LHPP: variants seen among roughly 807,000 people sequenced by gnomAD.
LHPP encodes phospholysine phosphohistidine inorganic pyrophosphate phosphatase, also known as hLHPP.
In LHPP, 24 loss-of-function variants were observed where a neutral mutation model predicts 30.3. That is an observed-to-expected ratio of 0.79 (90% CI 0.57 to 1.11). The LOEUF (loss-of-function observed/expected upper bound fraction) is 1.11, where lower values mean the gene tolerates loss of function less well. Ranked by LOEUF, LHPP falls within the 50% of genes most tolerant of loss-of-function variation. The pLI is 0.00. For synonymous variants in LHPP, 150 were observed against 157.1 expected (o/e 0.95, Z 0.34); for missense variants, 356 against 367.2 (o/e 0.97, Z 0.25).
At chr10:124,543,349 G>T (rs1219654576) in intron 6 of LHPP, among the ~76,000 whole-genome samples, 4 of 152,254 alleles carry the variant, frequency 2.6e-5, no homozygotes, top group Non-Finnish European at 5.9e-5. Flanking sequence ...CCCAGGTGCG[G>T]GGTCTGCCCG....
intron 1 of LHPP, among the ~76,000 whole-genome samples, chr10:124,483,805 C>CG (rs1056559287): frequency 7.5e-6 from 1 of 132,584 alleles, no homozygotes; most frequent in Non-Finnish European, 1.6e-5. Context: ...GGTAGAGAGG[C>CG]GGGGGGACAG....
Position 124,496,808 on chromosome 10 carries a change from C to T in LHPP, c.468-153C>T, listed in dbSNP as rs931564527. ...CCGGCTCTGTGGTGCTGGTCCCCTG[C>T]GGTCATTCTCAGCGTAGCGCCTGGA... On this transcript the variant is annotated intron_variant, in intron 3 of 6. Transcript: ENST00000368842. This position sits in a 1 kb window ranked among gnomAD's most constrained non-coding sequence, Gnocchi z 4.3. 1.5e-4 allele frequency among the ~76,000 whole-genome samples: 23 copies of T among 152,220 alleles called. No individual in the cohort carries two copies. The highest frequency in any genetic ancestry group is 3.4e-4 in the African/African-American group (14 of 41,466).
chr10:124,601,096 G>A (rs1263693834), intron 6 of LHPP, among the ~76,000 whole-genome samples: 1 of 152,202 alleles, frequency 6.6e-6, no homozygotes, highest in Non-Finnish European at 1.5e-5. Context: ...AGGGAATGAG[G>A]CCCAGGGAGC....
intron 1 of LHPP, among the ~76,000 whole-genome samples, chr10:124,471,081 C>T (rs1464551781): frequency 1.3e-5 from 2 of 152,046 alleles, no homozygotes; most frequent in Non-Finnish European, 2.9e-5. Context: ...AAGTCCAAGT[C>T]CTCCATCCTC....
At chr10:124,493,016 C>T (rs547097209) in intron 3 of LHPP, among the ~76,000 whole-genome samples, 11 of 151,536 alleles carry the variant, frequency 7.3e-5, no homozygotes, top group East Asian at 5.8e-4. Flanking sequence ...AGTAAGATTC[C>T]GTCTCTACAA....
chr10:124,471,730 TA>T (rs1221006856), intron 1 of LHPP, among the ~76,000 whole-genome samples: 7 of 123,146 alleles, frequency 5.7e-5, no homozygotes, highest in South Asian at 5.1e-4. Context: ...TTTATGTATA[TA>T]TATATTTGTA....
At chr10:124,520,936 C>A (rs1954595144) in intron 6 of LHPP, among the ~76,000 whole-genome samples, 1 of 152,182 alleles carries the variant, frequency 6.6e-6, no homozygotes, top group African/African-American at 2.4e-5. Context: ...TGTTGAAATG[C>A]TGATATTTCG....
chr10:124,569,125 G>A (rs1332342662), intron 6 of LHPP, among the ~76,000 whole-genome samples: 1 of 152,222 alleles, frequency 6.6e-6, no homozygotes, highest in African/African-American at 2.4e-5. Flanking sequence ...CTGCCTGGGT[G>A]GGGCTCATTC....
chr10:124,529,813 G>GCACACACACA (rs3083540), intron 6 of LHPP, among the ~76,000 whole-genome samples: 10 of 147,188 alleles, frequency 6.8e-5, no homozygotes, highest in East Asian at 6.2e-4. Context: ...ACACACACAC[G>GCACACACACA]CACACACACA....
intron 6 of LHPP, among the ~76,000 whole-genome samples, chr10:124,594,595 A>C (rs1948920202): frequency 6.6e-6 from 1 of 151,112 alleles, no homozygotes; most frequent in Admixed American, 6.6e-5. Context: ...TATCTCTGCA[A>C]TTCCTATAGC....
intron 6 of LHPP, among the ~76,000 whole-genome samples, chr10:124,543,173 G>A (rs759979808): frequency 2.2e-4 from 33 of 152,192 alleles, no homozygotes; most frequent in Non-Finnish European, 4.6e-4. Flanking sequence ...GTTCCAGCTC[G>A]GGCAGTACAA....
chr10:124,504,373 T>C (rs1953999144), intron 5 of LHPP, among the ~76,000 whole-genome samples: 1 of 146,830 alleles, frequency 6.8e-6, no homozygotes, highest in African/African-American at 2.6e-5. Flanking sequence ...GGGCAGGTCA[T>C]TAGAGCCCAA....
intron 6 of LHPP, among the ~76,000 whole-genome samples, chr10:124,565,346 G>C (rs1412377824): frequency 1.3e-5 from 2 of 152,158 alleles, no homozygotes; most frequent in Non-Finnish European, 2.9e-5. Context: ...ATCCCTTACT[G>C]AGGGTCGAGA....
At chr10:124,605,474 AC>A (rs1949079490) in intron 6 of LHPP, 1 of 152,202 alleles carries the variant, frequency 6.6e-6, no homozygotes, top group South Asian at 2.1e-4. Context: ...AGAGAGAGCA[AC>A]TCGCCCTGTG....
chr10:124,517,346 A>G lies in LHPP; in HGVS notation c.716+75A>G. 3 of 947,236 alleles carry G rather than the reference A, an allele frequency of 3.2e-6. No homozygotes were observed. The highest frequency in any genetic ancestry group is 4.6e-6 in the Non-Finnish European group (3 of 648,416). The allele number at this position is 947,236 out of a possible 1,614,324, so 58.7% of individuals were successfully genotyped here. A position where few individuals can be genotyped will look rare whatever the true frequency, so the allele number is the denominator to read the frequency against. ...ACATTCTCATTCTGTTTTGTTCTTCAAAATAAAGGGGATATTCTTTCCAAA... is the reference window on the plus strand; with the variant it reads ...ACATTCTCATTCTGTTTTGTTCTTCGAAATAAAGGGGATATTCTTTCCAAA... On this transcript the variant is annotated intron_variant, in intron 6 of 6. Transcript: ENST00000368842. This position sits in a 1 kb window ranked among gnomAD's most constrained non-coding sequence, Gnocchi z 4.1.
intron 1 of LHPP, among the ~76,000 whole-genome samples, chr10:124,477,141 T>C (rs1952974889): frequency 6.6e-6 from 1 of 152,176 alleles, no homozygotes. Context: ...AGGCAGAGGT[T>C]GTGGTAAGTT....
chr10:124,593,768 GT>G lies in LHPP; in HGVS notation c.717-19492del. ...AGGTCATGCGCGTTTGACGCAGGAGGTTTTGCCGGCGCCAGGGGCTCCCTCG... is the reference window on the plus strand; with the variant it reads ...AGGTCATGCGCGTTTGACGCAGGAGGTTTGCCGGCGCCAGGGGCTCCCTCG... On this transcript the variant is annotated intron_variant, in intron 6 of 6. Transcript: ENST00000368842. This position sits in a 1 kb window ranked among gnomAD's most constrained non-coding sequence, Gnocchi z 4.9. Among the ~76,000 whole-genome samples, 1 of 152,254 alleles carries G rather than the reference GT, an allele frequency of 6.6e-6. No homozygotes were observed. The highest frequency in any genetic ancestry group is 1.5e-5 in the Non-Finnish European group (1 of 68,038).
At chr10:124,516,799 C>T (rs941469291) in intron 5 of LHPP, among the ~76,000 whole-genome samples, 23 of 152,154 alleles carry the variant, frequency 1.5e-4, no homozygotes, top group Non-Finnish European at 3.1e-4. Flanking sequence ...ATTTGCTTCA[C>T]TTTCATGGAA....
rs576427156 is a variant in LHPP at position 124,524,654 on chromosome 10, C to T, written c.716+7383C>T. Among the ~76,000 whole-genome samples the T allele has an allele frequency of 6.6e-5, 10 of 152,090 alleles. No homozygotes were observed. The South Asian group carries it at 1.0e-3, about 16-fold the overall frequency. On this transcript the variant is annotated intron_variant, in intron 6 of 6. Coordinates refer to ENST00000368842, the MANE Select transcript of LHPP (RefSeq NM_022126.4). ...TTTGAGACCAGCCTGGGCAACATAG[C>T]GAGACCTCATTTCTATTAAAAATCA...
Sources: allele counts gnomAD v4.1 joint callset (sites outside exome capture counted in the v4.1 genomes callset), GRCh38; gene constraint gnomAD v4.1.1; non-coding constraint Gnocchi (gnomAD v3.1); transcripts MANE v1.5; gene names NCBI Gene and HGNC (gene_info 2026-07-23, HGNC 2026-07-21).